Variants in OXCT1 observed in about 807,000 individuals in gnomAD.
The protein encoded by OXCT1 is 3-oxoacid CoA-transferase 1.
Under a neutral mutation model 69.6 loss-of-function variants are expected in OXCT1, and 27 were observed. The ratio of observed to expected loss-of-function variants is 0.39; its 90% CI spans 0.29 to 0.54. The LOEUF is 0.54. OXCT1 is among the 20% of genes least tolerant of loss of function. OXCT1 has a pLI of 0.72. For synonymous variants in OXCT1, 202 were observed against 217.8 expected (o/e 0.93, Z 0.64); for missense variants, 437 against 650.2 (o/e 0.67, Z 3.57).
intron 11 of OXCT1, among the ~76,000 whole-genome samples, chr5:41,796,741 C>CT (rs1483858649): frequency 6.6e-6 from 1 of 152,070 alleles, no homozygotes; most frequent in African/African-American, 2.4e-5. Context: ...TTAGCAGGGG[C>CT]TTTTAAACAG....
intron 5 of OXCT1, among the ~76,000 whole-genome samples, chr5:41,847,342 A>G (rs1030572712): frequency 1.3e-5 from 2 of 152,254 alleles, no homozygotes; most frequent in African/African-American, 4.8e-5. Context: ...GCTGAATCCT[A>G]CCAGAGGTAC....
At chr5:41,848,503 C>T (rs13159122) in intron 5 of OXCT1, among the ~76,000 whole-genome samples, 6,915 of 120,724 alleles carry the variant, frequency 0.057, 214 homozygotes, top group Middle Eastern at 0.17. Flanking sequence ...AGAACAAAGC[C>T]GGAGGCATCA....
chr5:41,850,275 A>G, intron 4 of OXCT1, 96 bp from the exon 5 acceptor site: 1 of 1,369,346 alleles, frequency 7.3e-7, no homozygotes, highest in Non-Finnish European at 1.0e-6. Flanking sequence ...CTAGAGGCTT[A>G]TAATTCTAAA....
chr5:41,763,491 A>G (rs1744446126), intron 13 of OXCT1, among the ~76,000 whole-genome samples: 1 of 152,176 alleles, frequency 6.6e-6, no homozygotes, highest in African/African-American at 2.4e-5. Context: ...TAAGTTGGTC[A>G]TAATATTTCT....
chr5:41,816,199 G>A (rs1012344494), intron 7 of OXCT1, among the ~76,000 whole-genome samples: 1 of 152,142 alleles, frequency 6.6e-6, no homozygotes, highest in Non-Finnish European at 1.5e-5. Context: ...CATTTCTCTA[G>A]AGCAGTAAGC....
chr5:41,866,812 G>GT (rs1461640844), intron 1 of OXCT1, among the ~76,000 whole-genome samples: 1 of 152,184 alleles, frequency 6.6e-6, no homozygotes, highest in African/African-American at 2.4e-5. Context: ...TCAGTGCTCC[G>GT]AAGGAGCACA....
rs758758749 is a variant in OXCT1 at position 41,870,401 on chromosome 5, C to G, written c.-43G>C. 26 of 1,494,942 alleles carry G rather than the reference C, an allele frequency of 1.7e-5. No homozygotes were observed. In the South Asian group the frequency reaches 1.8e-4, roughly 10 times the overall value. The allele number at this position is 1,494,942 out of a possible 1,614,324, so 92.6% of individuals were successfully genotyped here. On this transcript the variant is annotated 5_prime_UTR_variant, in exon 1 of 17. Transcript: ENST00000196371. The surrounding 1 kb of genome is among the most constrained non-coding windows in gnomAD (Gnocchi z 4.2). ...GGAGGAGGCTGCGGGTTGGAGCGCG[C>G]GTTTGAGCGTCGGTGCGCGACTGCG...
At chr5:41,828,853 A>T (rs549692189) in intron 7 of OXCT1, among the ~76,000 whole-genome samples, 4 of 152,310 alleles carry the variant, frequency 2.6e-5, no homozygotes, top group Admixed American at 2.6e-4. Flanking sequence ...TGAAGGATTA[A>T]ATAATATTTT....
chr5:41,787,634 C>CA (rs765691863), intron 13 of OXCT1, among the ~76,000 whole-genome samples: 21,488 of 34,482 alleles, frequency 0.62, 7,269 homozygotes, highest in Non-Finnish European at 0.73. Context: ...AAGCATTAGG[C>CA]AAAAAAAAAA....
At chr5:41,800,339 A>G (rs1746364962) in intron 11 of OXCT1, among the ~76,000 whole-genome samples, 1 of 151,956 alleles carries the variant, frequency 6.6e-6, no homozygotes, top group Non-Finnish European at 1.5e-5. Flanking sequence ...ACTAGAAAAT[A>G]GGAAGCATCA....
chr5:41,834,831 G>A (rs1199732129), intron 7 of OXCT1, among the ~76,000 whole-genome samples: 2 of 151,676 alleles, frequency 1.3e-5, no homozygotes, highest in Non-Finnish European at 2.9e-5. Context: ...GAGATCTACA[G>A]AACATTTCAT....
intron 13 of OXCT1, among the ~76,000 whole-genome samples, chr5:41,767,722 G>GTGTATATATATATATA (rs1554011237): frequency 3.8e-4 from 34 of 89,942 alleles, no homozygotes; most frequent in African/African-American, 1.6e-3. Flanking sequence ...ATATGTGTGT[G>GTGTATATATATATATA]TATATATATA....
Position 41,850,199 on chromosome 5 carries a change from AC to A in OXCT1, c.415-21del. On this transcript the variant is annotated intron_variant, in intron 4 of 16. Transcript: ENST00000196371. ...TGTGCCCTGCAAGTGAGCAACCAAC[AC>A]CCCATAAGTTCACTAAGCACACTTC... 6.2e-7 allele frequency: 1 copy of A among 1,612,750 alleles called. No individual in the cohort carries two copies.
intron 1 of OXCT1, among the ~76,000 whole-genome samples, chr5:41,866,719 C>T (rs10064989): frequency 6.6e-6 from 1 of 152,334 alleles, no homozygotes; most frequent in Admixed American, 6.5e-5. Flanking sequence ...CAGAGAGTTA[C>T]AACACTAGGC....
intron 15 of OXCT1, among the ~76,000 whole-genome samples, chr5:41,743,900 A>C (rs933861531): frequency 1.1e-4 from 16 of 152,238 alleles, no homozygotes; most frequent in African/African-American, 3.6e-4. Context: ...GTATAGTTTG[A>C]AGTCAGGTAG....
intron 9 of OXCT1, among the ~76,000 whole-genome samples, chr5:41,804,109 A>G (rs1490767930): frequency 6.6e-6 from 1 of 152,118 alleles, no homozygotes; most frequent in Non-Finnish European, 1.5e-5. Context: ...TCAATGACCC[A>G]GGTCACTTCT....
intron 3 of OXCT1, among the ~76,000 whole-genome samples, chr5:41,860,523 A>C (rs538568400): frequency 7.9e-5 from 12 of 152,314 alleles, no homozygotes; most frequent in African/African-American, 2.9e-4. Flanking sequence ...AAACAGACTC[A>C]GAAAAGGAAA....
rs552936573 is a variant in OXCT1 at position 41,769,949 on chromosome 5, G to T, written c.1249-7749C>A. 1.7e-4 allele frequency among the ~76,000 whole-genome samples: 26 copies of T among 152,120 alleles called. No homozygotes were observed. In the South Asian group the frequency reaches 5.4e-3, roughly 32 times the overall value. The stretch of plus-strand genomic sequence containing the variant: ...TAATTTTTTTATTTTTAATAGAGAC[G>T]GGGTTTCACCATGTTGGTCAGGCTG... On this transcript the variant is annotated intron_variant, in intron 13 of 16. Coordinates refer to ENST00000196371, the MANE Select transcript of OXCT1 (RefSeq NM_000436.4).
chr5:41,741,855 G>A (rs537471934), intron 15 of OXCT1, among the ~76,000 whole-genome samples: 22 of 152,238 alleles, frequency 1.4e-4, no homozygotes, highest in African/African-American at 5.3e-4. Flanking sequence ...AAAAATAAAT[G>A]GATAATTTAG....
Sources: allele counts gnomAD v4.1 joint callset (sites outside exome capture counted in the v4.1 genomes callset), GRCh38; gene constraint gnomAD v4.1.1; non-coding constraint Gnocchi (gnomAD v3.1); transcripts MANE v1.5; gene names NCBI Gene and HGNC (gene_info 2026-07-23, HGNC 2026-07-21).